Variants in C1orf21 observed in about 807,000 individuals in gnomAD.
C1orf21 encodes uncharacterized protein C1orf21.
Under a neutral mutation model 18.7 loss-of-function variants are expected in C1orf21, and 3 were observed. The ratio of observed to expected loss-of-function variants is 0.16; its 90% CI spans 0.07 to 0.42. The LOEUF is 0.42. Ranked by LOEUF, C1orf21 falls within the 10% of genes least tolerant of loss-of-function variation. The pLI is 0.99. For synonymous variants in C1orf21, 41 were observed against 46.4 expected, an observed-to-expected ratio of 0.88 and a Z score of 0.47; for missense variants, 104 against 143.6, an observed-to-expected ratio of 0.72 and a Z score of 1.41.
In C1orf21 at chr1:184,627,858, T is replaced by C. The variant is rs1326080469; in HGVS notation, c.*8302T>C. ...GTTTGCCTTAGGCTTGTTCATGGAA[T>C]ATAAGCCAAGTTTACCTCTCCCCAT... On this transcript the variant is annotated 3_prime_UTR_variant, in exon 6 of 6. Transcript: ENST00000235307. 1 of 152,222 alleles carries C rather than the reference T, an allele frequency of 6.6e-6. No homozygotes were observed. Among genetic ancestry groups the C allele is most frequent in the Non-Finnish European group, 1.5e-5 (1 of 68,052 alleles). 9.4% of individuals were successfully genotyped at this position (152,222 alleles called of 1,614,324 possible). A position where few individuals can be genotyped will look rare whatever the true frequency, so the allele number is the denominator to read the frequency against.
chr1:184,393,710 C>G (rs1385737994), intron 1 of C1orf21, among the ~76,000 whole-genome samples: 1 of 152,110 alleles, frequency 6.6e-6, no homozygotes, highest in Non-Finnish European at 1.5e-5. Context: ...ATTTGGACAA[C>G]AAATCTGGAA....
intron 3 of C1orf21, among the ~76,000 whole-genome samples, chr1:184,555,730 C>T (rs1658869277): frequency 6.6e-6 from 1 of 151,988 alleles, no homozygotes; most frequent in Admixed American, 6.6e-5. Context: ...GGGTGGGAGG[C>T]GTAACTAAAT....
chr1:184,569,559 A>G (rs1467649128), intron 3 of C1orf21, among the ~76,000 whole-genome samples: 1 of 152,226 alleles, frequency 6.6e-6, no homozygotes, highest in Non-Finnish European at 1.5e-5. Context: ...GGAGGAAAAA[A>G]TAAAATTAAA....
At chr1:184,416,541 A>C (rs139156255) in intron 1 of C1orf21, among the ~76,000 whole-genome samples, 40 of 152,310 alleles carry the variant, frequency 2.6e-4, no homozygotes, top group African/African-American at 9.4e-4. Flanking sequence ...AAAAATGTCC[A>C]GCACAAATCA....
rs563054494 is a variant in C1orf21 at position 184,452,298 on chromosome 1, G to T, written c.-124-25088G>T. ...TCTTTTATAAAGAGTTTGGTTTCTA[G>T]AGTCCCCACAGGCTGAGTGCAAAGC... On this transcript the variant is annotated intron_variant, in intron 1 of 5. Coordinates refer to ENST00000235307, the MANE Select transcript of C1orf21 (RefSeq NM_030806.4). 2.6e-5 allele frequency among the ~76,000 whole-genome samples: 4 copies of T among 152,312 alleles called. 1 individual carries two copies. In the South Asian group the frequency reaches 8.3e-4, roughly 32 times the overall value.
intron 4 of C1orf21, among the ~76,000 whole-genome samples, chr1:184,594,092 G>C (rs1036212258): frequency 3.9e-5 from 6 of 152,014 alleles, no homozygotes; most frequent in Admixed American, 6.6e-5. Context: ...TTTTTATTTT[G>C]GTTTCACAGG....
At chr1:184,440,408 T>TTTG (rs1171276180) in intron 1 of C1orf21, among the ~76,000 whole-genome samples, 2 of 151,858 alleles carry the variant, frequency 1.3e-5, no homozygotes, top group African/African-American at 4.8e-5. Flanking sequence ...CACCGGCCAT[T>TTTG]TTGTTGTTGT....
At chr1:184,445,844 A>G (rs941048099) in intron 1 of C1orf21, among the ~76,000 whole-genome samples, 1 of 152,214 alleles carries the variant, frequency 6.6e-6, no homozygotes, top group African/African-American at 2.4e-5. Flanking sequence ...AAAGGGCATA[A>G]TCATAACCTC....
At chr1:184,459,010 A>G (rs952755593) in intron 1 of C1orf21, among the ~76,000 whole-genome samples, 2 of 152,226 alleles carry the variant, frequency 1.3e-5, no homozygotes, top group Admixed American at 1.3e-4. Context: ...AATAGTAATC[A>G]TATCTACTTA....
At chr1:184,594,177 G>A (rs1659483586) in intron 4 of C1orf21, among the ~76,000 whole-genome samples, 1 of 152,222 alleles carries the variant, frequency 6.6e-6, no homozygotes, top group African/African-American at 2.4e-5. Flanking sequence ...ACTAGTAGGA[G>A]TCTGTCACAG....
chr1:184,557,049 G>A lies in C1orf21; in HGVS notation c.190-33690G>A, dbSNP rs79546033. On this transcript the variant is annotated intron_variant, in intron 3 of 5. Coordinates refer to ENST00000235307, the MANE Select transcript of C1orf21 (RefSeq NM_030806.4). ...TCATTGACAAACATTCTGTCAACTC[G>A]TGAATTATTGCTGATTCGTTTGCAT... is the stretch of plus-strand genomic sequence containing the variant. Among the ~76,000 whole-genome samples the A allele has an allele frequency of 3.2e-3, 480 of 152,122 alleles. 2 individuals are homozygous for A. Among genetic ancestry groups the A allele is most frequent in the African/African-American group, 0.011 (459 of 41,492 alleles).
At position 184,489,672 on chromosome 1, in the gene C1orf21, G is replaced by A. The variant is rs115782705; in HGVS notation, c.94+12069G>A. Among the ~76,000 whole-genome samples the A allele has an allele frequency of 2.7e-3, 407 of 152,208 alleles. 1 individual carries two copies. The highest frequency in any genetic ancestry group is 9.4e-3 in the African/African-American group (389 of 41,514). Reference sequence around the variant, plus strand: ...TGGAATAGAGCCATTAGAGATCAAGGTATTCTATATTTATTGATATGGCAA... The same window carrying A: ...TGGAATAGAGCCATTAGAGATCAAGATATTCTATATTTATTGATATGGCAA... On this transcript the variant is annotated intron_variant, in intron 2 of 5. Transcript: ENST00000235307.
intron 3 of C1orf21, among the ~76,000 whole-genome samples, chr1:184,516,142 G>A (rs1418891867): frequency 1.3e-5 from 2 of 152,034 alleles, no homozygotes; most frequent in South Asian, 2.1e-4. Flanking sequence ...CTGTTTCCAG[G>A]TATCTATGTA....
At chr1:184,548,540 T>G (rs1049927558) in intron 3 of C1orf21, among the ~76,000 whole-genome samples, 1 of 151,534 alleles carries the variant, frequency 6.6e-6, no homozygotes, top group South Asian at 2.1e-4. Flanking sequence ...TGCAGACTCC[T>G]TAGAGAAGTC....
chr1:184,567,271 A>G lies in C1orf21; in HGVS notation c.190-23468A>G, dbSNP rs1030816334. On this transcript the variant is annotated intron_variant, in intron 3 of 5. Coordinates refer to ENST00000235307, the MANE Select transcript of C1orf21 (RefSeq NM_030806.4). ...AGCTCCATGTTCAGAAGGAGACTGTAAAGGAATTTTTCATTAAAGGTCCTG... is the reference window on the plus strand; with the variant it reads ...AGCTCCATGTTCAGAAGGAGACTGTGAAGGAATTTTTCATTAAAGGTCCTG... 110 of 461,084 alleles carry G rather than the reference A, an allele frequency of 2.4e-4. 1 individual carries two copies. Among genetic ancestry groups the G allele is most frequent in the Non-Finnish European group, 3.5e-5 (8 of 229,438 alleles). 28.6% of individuals were successfully genotyped at this position (461,084 alleles called of 1,614,324 possible).
rs142929711 is a variant in C1orf21, at chr1:184,513,875, G to A, written c.189+6193G>A. On this transcript the variant is annotated intron_variant, in intron 3 of 5. Transcript: ENST00000235307. The stretch of plus-strand genomic sequence containing the variant: ...TCAGATTATTTCACAAGGTCTTTAC[G>A]TTCCCTCTTCACATAAGAAACCAAA... Among the ~76,000 whole-genome samples, 1,141 of 152,312 alleles carry A rather than the reference G, an allele frequency of 7.5e-3. 6 individuals are homozygous for A. The highest frequency in any genetic ancestry group is 0.02 in the Middle Eastern group (6 of 294).
At chr1:184,487,371 T>C (rs1657747934) in intron 2 of C1orf21, among the ~76,000 whole-genome samples, 1 of 152,234 alleles carries the variant, frequency 6.6e-6, no homozygotes, top group African/African-American at 2.4e-5. Context: ...AACTTGGATT[T>C]GTGCTTTACG....
chr1:184,409,984 G>A (rs887244743), intron 1 of C1orf21, among the ~76,000 whole-genome samples: 2 of 152,170 alleles, frequency 1.3e-5, no homozygotes, highest in African/African-American at 4.8e-5. Context: ...TATTAGACAT[G>A]CTCTGTGGAG....
intron 1 of C1orf21, among the ~76,000 whole-genome samples, chr1:184,406,091 A>G (rs1656243816): frequency 6.6e-6 from 1 of 152,242 alleles, no homozygotes; most frequent in Non-Finnish European, 1.5e-5. Flanking sequence ...TGAGAATTTT[A>G]TGATCCTCTG....
Sources: allele counts gnomAD v4.1 joint callset (sites outside exome capture counted in the v4.1 genomes callset), GRCh38; gene constraint gnomAD v4.1.1; transcripts MANE v1.5; gene names NCBI Gene and HGNC (gene_info 2026-07-23, HGNC 2026-07-21).